Variants in RELL1 observed in about 807,000 individuals in gnomAD.
RELL1 encodes the protein RELT like 1, also known as RELT-like protein 1.
RELL1 carries 10 observed loss-of-function variants against 23.0 expected under a neutral mutation model. That is an observed-to-expected ratio of 0.43 (90% CI 0.27 to 0.74). The LOEUF (loss-of-function observed/expected upper bound fraction) is 0.74. Ranked by LOEUF, RELL1 falls within the 30% of genes least tolerant of loss-of-function variation. The probability of loss-of-function intolerance (pLI) is 0.19; values close to 1 mark genes in which losing one functional copy is unlikely to be tolerated. For missense variants in RELL1, 315 were observed against 364.4 expected, an observed-to-expected ratio of 0.86 and a Z score of 1.10; for synonymous variants, 146 against 146.8, an observed-to-expected ratio of 0.99 and a Z score of 0.04.
At chr4:37,601,539 C>T (rs1199736394) in intron 6 of RELL1, among the ~76,000 whole-genome samples, 1 of 152,176 alleles carries the variant, frequency 6.6e-6, no homozygotes, top group Non-Finnish European at 1.5e-5. Flanking sequence ...TTATCGGGAG[C>T]TGTAAGAATG....
chr4:37,656,247 G>C (rs1364115514), intron 1 of RELL1, among the ~76,000 whole-genome samples: 2 of 152,162 alleles, frequency 1.3e-5, no homozygotes, highest in Non-Finnish European at 1.5e-5. Context: ...AAATAAGCCA[G>C]ACACCAAAGG....
downstream of RELL1, chr4:37,590,741 TG>T: frequency 6.2e-7 from 1 of 1,614,212 alleles, no homozygotes; most frequent in Non-Finnish European, 8.5e-7. Flanking sequence ...GAGCATGGTT[TG>T]AATACGCCCT....
At position 37,611,930 on chromosome 4, in the gene RELL1, C is replaced by T. The variant is rs1232093145; in HGVS notation, c.*1416G>A. On this transcript the variant is annotated 3_prime_UTR_variant, in exon 7 of 7. Transcript: ENST00000454158. The stretch of plus-strand genomic sequence containing the variant: ...GTGGCTCAAGCCTGTAATCCCAGAA[C>T]TTTGGGAGGCCGAGGCGGGTGGATC... 6.6e-6 allele frequency among the ~76,000 whole-genome samples: 1 copy of T among 151,720 alleles called. No homozygotes were observed. The highest frequency in any genetic ancestry group is 1.9e-4 in the East Asian group (1 of 5,158).
At chr4:37,630,373 T>TG (rs1560336408) in intron 6 of RELL1, among the ~76,000 whole-genome samples, 5 of 141,854 alleles carry the variant, frequency 3.5e-5, no homozygotes, top group Non-Finnish European at 6.1e-5. Flanking sequence ...TTTTTTTTTT[T>TG]TTTTTTTTTG....
At chr4:37,669,514 C>G (rs1029233249) in intron 1 of RELL1, among the ~76,000 whole-genome samples, 4 of 152,016 alleles carry the variant, frequency 2.6e-5, no homozygotes, top group South Asian at 2.1e-4. Context: ...GCCCGGCCAC[C>G]ACCCTGTCTG....
intron 1 of RELL1, among the ~76,000 whole-genome samples, chr4:37,652,235 TGAAAG>T (rs1335968294): frequency 6.6e-6 from 1 of 152,222 alleles, no homozygotes; most frequent in East Asian, 1.9e-4. Flanking sequence ...TCTTTGAACA[TGAAAG>T]GAAATAATTG....
At chr4:37,659,919 C>G (rs1721263498) in intron 1 of RELL1, among the ~76,000 whole-genome samples, 1 of 152,166 alleles carries the variant, frequency 6.6e-6, no homozygotes, top group African/African-American at 2.4e-5. Context: ...GCAATTCTTC[C>G]TCTCCTTACC....
At chr4:37,602,786 G>T (rs1038135306) in intron 6 of RELL1, among the ~76,000 whole-genome samples, 3 of 152,178 alleles carry the variant, frequency 2.0e-5, no homozygotes, top group African/African-American at 7.2e-5. Context: ...TGAGTGTGGG[G>T]CTCAAACGCA....
At chr4:37,646,693 C>T (rs147176710) in intron 3 of RELL1, among the ~76,000 whole-genome samples, 85 of 152,276 alleles carry the variant, frequency 5.6e-4, no homozygotes, top group African/African-American at 1.9e-3. Context: ...TATGTCCCAA[C>T]AATGCTGTGA....
chr4:37,607,579 CTTT>C (rs59939694), downstream of RELL1, among the ~76,000 whole-genome samples: 124 of 113,916 alleles, frequency 1.1e-3, no homozygotes, highest in Non-Finnish European at 1.4e-3. Flanking sequence ...TCTTTCTTTT[CTTT>C]TTTTTTTTTT....
chr4:37,660,768 A>G (rs1721302290), intron 1 of RELL1, among the ~76,000 whole-genome samples: 1 of 152,206 alleles, frequency 6.6e-6, no homozygotes, highest in South Asian at 2.1e-4. Flanking sequence ...GCGGTGGCTC[A>G]CGCCTGTAAT....
intron 3 of RELL1, 71 bp from the exon 4 acceptor site, chr4:37,638,575 G>A: frequency 8.6e-7 from 1 of 1,166,960 alleles, no homozygotes; most frequent in Non-Finnish European, 1.2e-6. Context: ...CAGAAAAGCT[G>A]TTGAAAACAC....
intron 1 of RELL1, among the ~76,000 whole-genome samples, chr4:37,662,833 G>C (rs1355355916): frequency 2.0e-5 from 3 of 151,768 alleles, no homozygotes; most frequent in African/African-American, 7.3e-5. Flanking sequence ...TTAACTCTAG[G>C]ATCCCGGTGT....
intron 1 of RELL1, among the ~76,000 whole-genome samples, chr4:37,663,436 G>C (rs1386293520): frequency 6.6e-6 from 1 of 152,170 alleles, no homozygotes; most frequent in Non-Finnish European, 1.5e-5. Flanking sequence ...TAAAGCAACA[G>C]GGCTTCAGAA....
At chr4:37,685,561 T>C (rs1437002977) in intron 1 of RELL1, among the ~76,000 whole-genome samples, 1 of 152,174 alleles carries the variant, frequency 6.6e-6, no homozygotes, top group Non-Finnish European at 1.5e-5. Context: ...GTTCCTTTCG[T>C]GACGACAGGA....
downstream of RELL1, chr4:37,590,726 T>A (rs1560315769): frequency 1.9e-6 from 3 of 1,613,998 alleles, no homozygotes; most frequent in Non-Finnish European, 2.5e-6. Context: ...CAGCCCCCAG[T>A]GGGGGAGCAT....
At chr4:37,647,326 A>G (rs201529776) in intron 3 of RELL1, 42 bp downstream of exon 3, 109 of 1,394,010 alleles carry the variant, frequency 7.8e-5, no homozygotes, top group Middle Eastern at 1.8e-4. Flanking sequence ...TTAATAAAGG[A>G]TAGGAATACT....
Position 37,611,579 on chromosome 4 carries a change from T to G in RELL1, c.*1767A>C, listed in dbSNP as rs1158500513. ...ATTTTCCTATATGAAATAAAAGAAG[T>G]GCTCAAGGCACCCCCCAACACTGAC... On this transcript the variant is annotated 3_prime_UTR_variant, in exon 7 of 7. Transcript: ENST00000454158. Among the ~76,000 whole-genome samples the G allele has an allele frequency of 6.6e-6, 1 of 152,114 alleles. No homozygotes were observed. Among genetic ancestry groups the G allele is most frequent in the East Asian group, 1.9e-4 (1 of 5,190 alleles).
intron 1 of RELL1, among the ~76,000 whole-genome samples, chr4:37,676,108 G>A (rs1722017688): frequency 6.6e-6 from 1 of 152,234 alleles, no homozygotes; most frequent in South Asian, 2.1e-4. Flanking sequence ...CTGCACTGGA[G>A]TCTAGTTTGT....
Sources: allele counts gnomAD v4.1 joint callset (sites outside exome capture counted in the v4.1 genomes callset), GRCh38; gene constraint gnomAD v4.1.1; transcripts MANE v1.5; gene names NCBI Gene and HGNC (gene_info 2026-07-23, HGNC 2026-07-21).